Variants in BCAT1 observed in about 807,000 individuals in gnomAD.
BCAT1 encodes branched chain amino acid transaminase 1, also known as branched-chain-amino-acid aminotransferase, cytosolic.
A neutral mutation model predicts 52.4 loss-of-function variants in BCAT1; 48 were observed. The ratio of observed to expected loss-of-function variants is 0.92; its 90% confidence interval spans 0.73 to 1.16. BCAT1 has a LOEUF of 1.16. BCAT1 is among the 50% of genes most tolerant of loss of function. BCAT1 has a pLI of 0.00. For missense variants in BCAT1, 451 were observed against 457.1 expected, an observed-to-expected ratio of 0.99 and a Z score of 0.12; for synonymous variants, 167 against 161.3, an observed-to-expected ratio of 1.04 and a Z score of -0.27.
In BCAT1 at chr12:24,894,492, A is replaced by G. The variant is rs781471398; in HGVS notation, c.79-17T>C. ...GTCTTTAGCCTGGGGAAGAAAAATC[A>G]TCACTATTTACAGAAAAGCTACTGA... On this transcript the variant is annotated splice_polypyrimidine_tract_variant and intron_variant, in intron 2 of 10. Coordinates refer to ENST00000261192, the MANE Select transcript of BCAT1 (RefSeq NM_005504.7). 4.5e-6 allele frequency: 7 copies of G among 1,563,082 alleles called. No homozygotes were observed. The East Asian group carries it at 1.4e-4, about 31-fold the overall frequency.
intron 8 of BCAT1, chr12:24,834,730 T>C (rs1940845448): frequency 1.8e-6 from 2 of 1,094,490 alleles, no homozygotes; most frequent in Non-Finnish European, 2.2e-6. Flanking sequence ...CAGTCTACAA[T>C]TGCAATTATG....
intron 4 of BCAT1, among the ~76,000 whole-genome samples, chr12:24,879,687 C>T (rs746207915): frequency 2.0e-5 from 3 of 152,212 alleles, no homozygotes; most frequent in Non-Finnish European, 2.9e-5. Flanking sequence ...GAGAAGAGAA[C>T]TTGACCAGGA....
At chr12:24,947,575 G>T (rs1943950378) in intron 1 of BCAT1, among the ~76,000 whole-genome samples, 1 of 152,120 alleles carries the variant, frequency 6.6e-6, no homozygotes. Context: ...ATCATACCTA[G>T]AATACAATCA....
rs1439743004 is a variant in BCAT1 at position 24,902,869 on chromosome 12, C to T, written c.7-984G>A. 5 of 1,502,990 alleles carry T rather than the reference C, an allele frequency of 3.3e-6. No individual in the cohort carries two copies. The South Asian group carries it at 3.6e-5, about 11-fold the overall frequency. 93.1% of individuals were successfully genotyped at this position (1,502,990 alleles called of 1,614,324 possible). On this transcript the variant is annotated intron_variant, in intron 1 of 10. Coordinates refer to ENST00000261192, the MANE Select transcript of BCAT1 (RefSeq NM_005504.7). ...GATGGTGCAGGAAACGGCGACAAGG[C>T]GCCCGGCCAGGCCCGCGAGCTACCG... is the stretch of plus-strand genomic sequence containing the variant.
At chr12:24,894,588 C>G in intron 2 of BCAT1, 113 bp from the exon 3 acceptor site, 1 of 903,796 alleles carries the variant, frequency 1.1e-6, no homozygotes, top group Non-Finnish European at 1.6e-6. Context: ...AGGTTAGCAG[C>G]TAACACAGAA....
intron 3 of BCAT1, among the ~76,000 whole-genome samples, chr12:24,888,851 G>C (rs1370666571): frequency 1.3e-5 from 2 of 152,208 alleles, no homozygotes; most frequent in Non-Finnish European, 2.9e-5. Context: ...TCAAGCTGCA[G>C]ACATAGATAT....
At chr12:24,892,404 G>C (rs1361882909) in intron 3 of BCAT1, among the ~76,000 whole-genome samples, 2 of 152,118 alleles carry the variant, frequency 1.3e-5, no homozygotes, top group Middle Eastern at 3.2e-3. Context: ...CCATAGGCCA[G>C]CAATTCCCAA....
chr12:24,838,867 T>C (rs1941084339), intron 7 of BCAT1, among the ~76,000 whole-genome samples: 1 of 152,180 alleles, frequency 6.6e-6, no homozygotes, highest in Non-Finnish European at 1.5e-5. Context: ...AAGTCATTTT[T>C]AGGAGATGAG....
intron 1 of BCAT1, among the ~76,000 whole-genome samples, chr12:24,931,407 G>T (rs11047707): frequency 4.0e-5 from 6 of 151,788 alleles, no homozygotes; most frequent in Admixed American, 6.6e-5. Context: ...TGAGAAAAGA[G>T]GGAAAGCAGA....
At chr12:24,861,722 G>A (rs74071958) in intron 5 of BCAT1, among the ~76,000 whole-genome samples, 1 of 152,128 alleles carries the variant, frequency 6.6e-6, no homozygotes, top group Admixed American at 6.5e-5. Flanking sequence ...CTTGAATAGG[G>A]GATAGATAAA....
intron 5 of BCAT1, among the ~76,000 whole-genome samples, chr12:24,852,014 G>A (rs903476578): frequency 6.6e-6 from 1 of 152,046 alleles, no homozygotes; most frequent in East Asian, 1.9e-4. Context: ...TAGGATCGTG[G>A]GGGTGAATTT....
chr12:24,943,493 G>GAAA (rs4031153), intron 1 of BCAT1, among the ~76,000 whole-genome samples: 1,331 of 58,476 alleles, frequency 0.023, 68 homozygotes, highest in East Asian at 0.061. Flanking sequence ...ACCCTATCTG[G>GAAA]AAAAAAAAAA....
chr12:24,903,075 C>A (rs1229333610), intron 1 of BCAT1: 4 of 1,387,912 alleles, frequency 2.9e-6, no homozygotes, highest in Non-Finnish European at 1.9e-6. Flanking sequence ...TGTGGCCAAG[C>A]CCCGGCGCAC....
intron 7 of BCAT1, among the ~76,000 whole-genome samples, chr12:24,836,898 A>AAAG (rs1555102837): frequency 2.1e-5 from 1 of 47,308 alleles, no homozygotes; most frequent in African/African-American, 8.1e-5. Context: ...AGAAAGAAAG[A>AAAG]AAAGAAAGAG....
At chr12:24,945,985 G>T (rs536098820) in intron 1 of BCAT1, among the ~76,000 whole-genome samples, 1 of 152,252 alleles carries the variant, frequency 6.6e-6, no homozygotes. Context: ...CCTGGGGTGG[G>T]CATCTGTTAT....
At chr12:24,867,113 C>G (rs927412535) in intron 5 of BCAT1, among the ~76,000 whole-genome samples, 1 of 151,930 alleles carries the variant, frequency 6.6e-6, no homozygotes, top group African/African-American at 2.4e-5. Context: ...CAACACTCAC[C>G]GCAAAGGTCC....
At chr12:24,907,027 A>T (rs563245071) in intron 1 of BCAT1, among the ~76,000 whole-genome samples, 3 of 152,316 alleles carry the variant, frequency 2.0e-5, no homozygotes, top group African/African-American at 7.2e-5. Flanking sequence ...TGACAAAATG[A>T]TTGGCAAGCT....
chr12:24,912,946 C>T (rs1943354097), intron 1 of BCAT1, among the ~76,000 whole-genome samples: 1 of 152,122 alleles, frequency 6.6e-6, no homozygotes. Context: ...TTTTATGTGA[C>T]ACGAGAGCCT....
chr12:24,840,320 G>GT (rs1047362157), intron 7 of BCAT1, among the ~76,000 whole-genome samples: 2 of 152,100 alleles, frequency 1.3e-5, no homozygotes, highest in African/African-American at 4.8e-5. Context: ...GAGCTGTGTG[G>GT]TTTTTTGGTG....
Sources: allele counts gnomAD v4.1 joint callset (sites outside exome capture counted in the v4.1 genomes callset), GRCh38; gene constraint gnomAD v4.1.1; transcripts MANE v1.5; gene names NCBI Gene and HGNC (gene_info 2026-07-23, HGNC 2026-07-21).